MICAL2: variants seen among roughly 807,000 people sequenced by gnomAD.
The protein encoded by MICAL2 is microtubule associated monooxygenase, calponin and LIM domain containing 2.
Under a neutral mutation model 127.3 loss-of-function variants are expected in MICAL2, and 77 were observed. The observed-to-expected ratio is 0.60, with a 90% CI of 0.50 to 0.73. MICAL2 has a LOEUF of 0.73. Among genes scored for constraint, MICAL2 ranks in the 30% least tolerant of loss-of-function variants. MICAL2 has a pLI of 0.00. For synonymous variants in MICAL2, 570 were observed against 551.1 expected (o/e 1.03, Z -0.48); for missense variants, 1,351 against 1,434.4 (o/e 0.94, Z 0.94).
chr11:12,151,877 G>A (rs1025342246), intron 2 of MICAL2, among the ~76,000 whole-genome samples: 1 of 152,166 alleles, frequency 6.6e-6, no homozygotes, highest in East Asian at 1.9e-4. Flanking sequence ...CACCCACCAA[G>A]GCTCCAAAGA....
At chr11:12,217,107 C>T (rs539327979) in intron 8 of MICAL2, among the ~76,000 whole-genome samples, 4 of 152,120 alleles carry the variant, frequency 2.6e-5, no homozygotes, top group African/African-American at 7.2e-5. Flanking sequence ...GAAGCTTCTT[C>T]GGACAGGTGT....
chr11:12,341,428 C>T (rs1938862417), intron 32 of MICAL2, among the ~76,000 whole-genome samples: 1 of 151,266 alleles, frequency 6.6e-6, no homozygotes. Flanking sequence ...ATCAGAGAAG[C>T]CTTCAGCATT....
intron 32 of MICAL2, among the ~76,000 whole-genome samples, chr11:12,340,709 A>G (rs1220380724): frequency 2.0e-5 from 3 of 152,350 alleles, no homozygotes; most frequent in African/African-American, 7.2e-5. Context: ...AGCAGTGAAA[A>G]TGAATCAGTC....
At chr11:12,342,433 G>A (rs1465658333) in intron 32 of MICAL2, among the ~76,000 whole-genome samples, 1 of 152,138 alleles carries the variant, frequency 6.6e-6, no homozygotes, top group Non-Finnish European at 1.5e-5. Context: ...ATGAGTTTTT[G>A]TTAACTTCAT....
rs1023401838 is a variant in MICAL2, at chr11:12,244,059, C to G, written c.2731C>G (p.Pro911Ala). ...TCCCTCTCGCCTTCCGTCTCCTGAT[C>G]CAGCTGCTTCTTCCTCTCCATCAAC... Reference protein sequence around the residue: ...SPPSRLPSPDPAASSSPSTVD... With the variant: ...SPPSRLPSPDAAASSSPSTVD... Residue 911 changes from proline to alanine, a missense_variant, in exon 21 of 28, where the codon CCA becomes GCA. By Grantham distance (27) the Pro-to-Ala change is conservative (BLOSUM62 -1). Transcript: ENST00000683283. The G allele has an allele frequency of 6.2e-7, 1 of 1,614,184 alleles. No homozygotes were observed. The highest frequency in any genetic ancestry group is 1.1e-5 in the South Asian group (1 of 91,080).
intron 32 of MICAL2, among the ~76,000 whole-genome samples, chr11:12,339,640 T>G (rs1156471018): frequency 2.0e-5 from 3 of 152,224 alleles, no homozygotes; most frequent in South Asian, 2.1e-4. Context: ...GGATGTCCTT[T>G]CTGTTTGTTA....
At chr11:12,218,950 T>C (rs1198925226) in intron 8 of MICAL2, among the ~76,000 whole-genome samples, 1 of 152,204 alleles carries the variant, frequency 6.6e-6, no homozygotes, top group Non-Finnish European at 1.5e-5. Context: ...TTCCCATTCA[T>C]CGGTCACTTC....
chr11:12,354,869 T>G, intron 34 of MICAL2: 1 of 1,612,504 alleles, frequency 6.2e-7, no homozygotes, highest in Non-Finnish European at 8.5e-7. Context: ...TGAGTATGCT[T>G]GGGCCTTTGT....
chr11:12,302,230 AG>A (rs1466265212), intron 29 of MICAL2, among the ~76,000 whole-genome samples: 1 of 152,216 alleles, frequency 6.6e-6, no homozygotes, highest in African/African-American at 2.4e-5. Flanking sequence ...GAGGATTCAG[AG>A]GAGCCTGGCT....
In MICAL2 at chr11:12,170,805, T is replaced by C. The variant is rs11824705; in HGVS notation, c.264+8386T>C. Among the ~76,000 whole-genome samples, 804 of 152,316 alleles carry C rather than the reference T, an allele frequency of 5.3e-3. 11 individuals are homozygous for C. Among genetic ancestry groups the C allele is most frequent in the Middle Eastern group, 0.017 (5 of 294 alleles). ...GTCCTATTGCTATCTTGCTGATCAG[T>C]GCCCCACATTGATGGCTTTGTCTCT... On this transcript the variant is annotated intron_variant, in intron 3 of 27. Coordinates refer to ENST00000683283, the MANE Select transcript of MICAL2 (RefSeq NM_001282663.2).
At chr11:12,214,091 G>A (rs1361179713) in intron 7 of MICAL2, among the ~76,000 whole-genome samples, 1 of 152,126 alleles carries the variant, frequency 6.6e-6, no homozygotes, top group African/African-American at 2.4e-5. Flanking sequence ...TATTCTACGA[G>A]AATAGACAGT....
chr11:12,241,275 CT>C lies in MICAL2; in HGVS notation c.2337+114del, dbSNP rs1205306727. 4 of 1,339,128 alleles carry C rather than the reference CT, an allele frequency of 3.0e-6. No individual in the cohort carries two copies. The Admixed American group carries it at 9.6e-5, about 32-fold the overall frequency. The allele number at this position is 1,339,128 out of a possible 1,614,324, so 83.0% of individuals were successfully genotyped here. On this transcript the variant is annotated intron_variant, in intron 18 of 27. Transcript: ENST00000683283. Reference sequence around the variant, plus strand: ...CCAAGTAGGGCTGATTGTAGATTTTCTGGACACACCTTGATGTCACCACACT... The same window carrying C: ...CCAAGTAGGGCTGATTGTAGATTTTCGGACACACCTTGATGTCACCACACT...
chr11:12,242,587 T>G, intron 19 of MICAL2, 84 bp from the exon 20 acceptor site: 2 of 1,464,724 alleles, frequency 1.4e-6, no homozygotes, highest in South Asian at 2.3e-5. Flanking sequence ...CCCGGCTGCC[T>G]CCCTCACCCA....
downstream of MICAL2, among the ~76,000 whole-genome samples, chr11:12,289,353 T>C (rs992043956): frequency 2.0e-5 from 3 of 152,128 alleles, no homozygotes; most frequent in Admixed American, 6.5e-5. Context: ...GGGATGTGAG[T>C]TGGCCAATGA....
At chr11:12,261,683 G>A in intron 26 of MICAL2, 1 of 985,442 alleles carries the variant, frequency 1.0e-6, no homozygotes, top group Non-Finnish European at 1.2e-6. Flanking sequence ...GTTTCTATGG[G>A]GCGGGAAGAA....
chr11:12,274,028 G>A (rs1337756819), upstream of MICAL2, among the ~76,000 whole-genome samples: 2 of 152,138 alleles, frequency 1.3e-5, no homozygotes, highest in Non-Finnish European at 2.9e-5. Flanking sequence ...GTAGGCTGGG[G>A]GCTGGGGGTG....
chr11:12,204,392 A>G lies in MICAL2; in HGVS notation c.407A>G (p.Asp136Gly). The change falls in exon 4 of 28, where the codon GAC becomes GGC. Residue 136 changes from aspartate (D) to glycine (G), a missense_variant. By Grantham distance (94) the Asp-to-Gly change is moderately conservative. Around this residue, in one of 2 missense-constraint regions of MICAL2, gnomAD observed 599 missense variants for 714.9 expected, o/e 0.84. Coordinates refer to ENST00000683283, the MANE Select transcript of MICAL2 (RefSeq NM_001282663.2). Reference protein sequence around the residue: ...VLHLWPFTIHDLRGLGAKKFY... With the variant: ...VLHLWPFTIHGLRGLGAKKFY... ...CACCTCTGGCCTTTCACCATCCATG[A>G]CCTTCGTGGCCTGGGAGCCAAGAAG... The G allele has an allele frequency of 1.2e-6, 2 of 1,612,548 alleles. No individual in the cohort carries two copies. Among genetic ancestry groups the G allele is most frequent in the East Asian group, 2.2e-5 (1 of 44,850 alleles).
intron 2 of MICAL2, chr11:12,286,852 T>A (rs1863832845): frequency 3.2e-6 from 1 of 310,112 alleles, no homozygotes. Context: ...TCCAGCCTGG[T>A]GACAAGCAAA....
chr11:12,256,805 T>A lies in MICAL2; in HGVS notation c.2976T>A (p.Phe992Leu). The A allele has an allele frequency of 6.2e-7, 1 of 1,612,854 alleles. No homozygotes were observed. The highest frequency in any genetic ancestry group is 1.7e-5 in the Admixed American group (1 of 59,930). ...SPDLESMRKS[F>L]PLNLGGSDTC... The stretch of plus-strand genomic sequence containing the variant: ...CCCAGGAATCTATGCGAAAGTCATT[T>A]CCCCTTAACCTGGGAGGCAGCGACA... Residue 992 changes from phenylalanine to leucine, a missense_variant, in exon 24 of 28, where the codon TTT becomes TTA. Physicochemically the swap from Phe to Leu is conservative, Grantham distance 22 (BLOSUM62 0). Transcript: ENST00000683283.
Sources: allele counts gnomAD v4.1 joint callset (sites outside exome capture counted in the v4.1 genomes callset), GRCh38; gene constraint gnomAD v4.1.1; regional missense constraint gnomAD v4.1.1; transcripts MANE v1.5; gene names NCBI Gene and HGNC (gene_info 2026-07-23, HGNC 2026-07-21).